The following EPHB1 variants were observed in gnomAD, a reference collection of about 807,000 sequenced individuals.
EPHB1 encodes ephrin type-B receptor 1.
Under a neutral mutation model 94.4 loss-of-function variants are expected in EPHB1, and 30 were observed. That is an observed-to-expected ratio of 0.32 (90% CI 0.24 to 0.43). EPHB1 has a LOEUF of 0.43. Among genes scored for constraint, EPHB1 ranks in the 20% least tolerant of loss-of-function variants. The probability of loss-of-function intolerance (pLI) is 1.00; values close to 1 mark genes in which losing one functional copy is unlikely to be tolerated. For synonymous variants in EPHB1, 522 were observed against 489.1 expected (o/e 1.07, Z -0.89); for missense variants, 1,055 against 1,308.3 (o/e 0.81, Z 2.99).
chr3:135,206,674 A>G (rs1011270032), intron 12 of EPHB1, among the ~76,000 whole-genome samples: 3 of 151,922 alleles, frequency 2.0e-5, no homozygotes, highest in Non-Finnish European at 4.4e-5. Flanking sequence ...ACGTGGTGAC[A>G]CCCCGCCTCT....
chr3:135,153,613 C>T (rs1423554782), intron 5 of EPHB1, among the ~76,000 whole-genome samples: 1 of 152,182 alleles, frequency 6.6e-6, no homozygotes, highest in African/African-American at 2.4e-5. Flanking sequence ...CTCCTCTCTT[C>T]CTTTTAAAGT....
At chr3:134,809,951 A>C (rs372233333) in intron 1 of EPHB1, among the ~76,000 whole-genome samples, 2 of 152,230 alleles carry the variant, frequency 1.3e-5, no homozygotes, top group East Asian at 3.8e-4. Flanking sequence ...AATGACTACC[A>C]CAAGATCAGG....
chr3:135,113,453 GATT>G (rs1939546900), intron 4 of EPHB1, among the ~76,000 whole-genome samples: 1 of 152,200 alleles, frequency 6.6e-6, no homozygotes, highest in East Asian at 1.9e-4. Flanking sequence ...TGGAGTCACA[GATT>G]GTTGACACTC....
chr3:135,100,687 G>C (rs1454805513), intron 3 of EPHB1, among the ~76,000 whole-genome samples: 1 of 152,176 alleles, frequency 6.6e-6, no homozygotes, highest in Admixed American at 6.5e-5. Flanking sequence ...GCAGGGACAG[G>C]AGGAGAGGAG....
intron 3 of EPHB1, among the ~76,000 whole-genome samples, chr3:134,986,711 AACACACACAC>A (rs60628273): frequency 5.5e-5 from 8 of 145,624 alleles, no homozygotes; most frequent in African/African-American, 7.6e-5. Flanking sequence ...TAAAGATATT[AACACACACAC>A]ACACACACAC....
chr3:135,145,796 C>G (rs1261651329), intron 5 of EPHB1, among the ~76,000 whole-genome samples: 1 of 152,076 alleles, frequency 6.6e-6, no homozygotes, highest in Non-Finnish European at 1.5e-5. Context: ...CAGTCTCAAC[C>G]CTGCTGACTC....
chr3:135,238,012 A>G (rs1943695830), intron 12 of EPHB1, among the ~76,000 whole-genome samples: 1 of 152,158 alleles, frequency 6.6e-6, no homozygotes, highest in Non-Finnish European at 1.5e-5. Context: ...ATTTCCTTTC[A>G]CATAATTGAA....
At chr3:135,050,134 A>T (rs1183802123) in intron 3 of EPHB1, among the ~76,000 whole-genome samples, 1 of 152,254 alleles carries the variant, frequency 6.6e-6, no homozygotes, top group South Asian at 2.1e-4. Flanking sequence ...AGGAAATGAT[A>T]TAGAGATACA....
In EPHB1 at chr3:134,955,105, A is replaced by ATTTTTTTTTTTTTTTTT. The variant is rs1174011769; in HGVS notation, c.805+3066_805+3067insTTTTTTTTTTTTTTTTT. 1.6e-3 allele frequency among the ~76,000 whole-genome samples: 38 copies of ATTTTTTTTTTTTTTTTT among 24,134 alleles called. 3 individuals are homozygous for ATTTTTTTTTTTTTTTTT. Among genetic ancestry groups the ATTTTTTTTTTTTTTTTT allele is most frequent in the South Asian group, 3.8e-3 (2 of 524 alleles). The allele number at this position is 24,134 out of a possible 152,430, so 15.8% of individuals were successfully genotyped here. A position where few individuals can be genotyped will look rare whatever the true frequency, so the allele number is the denominator to read the frequency against. On this transcript the variant is annotated intron_variant, in intron 3 of 15. Coordinates refer to ENST00000398015, the MANE Select transcript of EPHB1 (RefSeq NM_004441.5). ...TTTTTTTTTTTTTTTTTTTTTTTTA[A>ATTTTTTTTTTTTTTTTT]TTTTTTTTTTTTTAATTATACTCTA...
intron 3 of EPHB1, among the ~76,000 whole-genome samples, chr3:135,067,158 C>T (rs1025035949): frequency 2.6e-5 from 4 of 152,134 alleles, no homozygotes; most frequent in African/African-American, 9.7e-5. Context: ...TATTTTTGTG[C>T]TGGTTGGCCT....
chr3:135,080,876 A>G (rs374974868), intron 3 of EPHB1, among the ~76,000 whole-genome samples: 2 of 152,310 alleles, frequency 1.3e-5, no homozygotes. Context: ...CTTGCCCATG[A>G]TGATTATTCA....
At chr3:134,987,764 C>G (rs1359157218) in intron 3 of EPHB1, among the ~76,000 whole-genome samples, 6 of 141,820 alleles carry the variant, frequency 4.2e-5, no homozygotes, top group Non-Finnish European at 9.0e-5. Flanking sequence ...GTGCAAGACT[C>G]TGTCTTGAAA....
At chr3:134,818,841 CGT>C (rs1485012215) in intron 1 of EPHB1, among the ~76,000 whole-genome samples, 1 of 152,216 alleles carries the variant, frequency 6.6e-6, no homozygotes, top group Non-Finnish European at 1.5e-5. Context: ...TAAACATGCA[CGT>C]GCAAGTGTTT....
intron 1 of EPHB1, among the ~76,000 whole-genome samples, chr3:134,824,175 C>A (rs1295566965): frequency 8.2e-6 from 1 of 122,682 alleles, no homozygotes; most frequent in South Asian, 2.9e-4. Flanking sequence ...TTGCACTTGA[C>A]TAAGTGGTAG....
intron 1 of EPHB1, among the ~76,000 whole-genome samples, chr3:134,833,792 A>T (rs1302705249): frequency 6.6e-6 from 1 of 152,186 alleles, no homozygotes; most frequent in African/African-American, 2.4e-5. Flanking sequence ...TAACCAGCCA[A>T]CAGAAGGGCA....
intron 1 of EPHB1, among the ~76,000 whole-genome samples, chr3:134,883,612 C>T (rs1339537206): frequency 1.3e-5 from 2 of 152,184 alleles, no homozygotes; most frequent in African/African-American, 2.4e-5. Flanking sequence ...AGAGAGGGTT[C>T]CTGGGCTAGG....
chr3:135,176,335 T>C (rs1365780174), intron 9 of EPHB1, among the ~76,000 whole-genome samples: 1 of 152,224 alleles, frequency 6.6e-6, no homozygotes, highest in Non-Finnish European at 1.5e-5. Flanking sequence ...CCTTCTTCAA[T>C]GTGACAATGC....
intron 9 of EPHB1, among the ~76,000 whole-genome samples, chr3:135,175,838 C>G (rs144131253): frequency 6.6e-6 from 1 of 152,302 alleles, no homozygotes; most frequent in East Asian, 1.9e-4. Context: ...AGCCCTGTCT[C>G]CAAATGTTTG....
intron 9 of EPHB1, among the ~76,000 whole-genome samples, chr3:135,168,275 T>G (rs1372489922): frequency 6.6e-6 from 1 of 152,208 alleles, no homozygotes; most frequent in Non-Finnish European, 1.5e-5. Context: ...CACTGCTGCT[T>G]TCCCACGGTG....
Sources: allele counts gnomAD v4.1 joint callset (sites outside exome capture counted in the v4.1 genomes callset), GRCh38; gene constraint gnomAD v4.1.1; transcripts MANE v1.5; gene names NCBI Gene and HGNC (gene_info 2026-07-23, HGNC 2026-07-21).